PRDX2: variants seen among roughly 807,000 people sequenced by gnomAD.
The protein encoded by PRDX2 is peroxiredoxin 2, also known as peroxiredoxin-2.
A neutral mutation model predicts 19.8 loss-of-function variants in PRDX2; 10 were observed. The observed-to-expected ratio is 0.50, with a 90% confidence interval of 0.31 to 0.86. The LOEUF is 0.86. Ranked by LOEUF, PRDX2 falls within the 40% of genes least tolerant of loss-of-function variation. PRDX2 has a pLI of 0.04. For synonymous variants in PRDX2, 118 were observed against 108.2 expected, an observed-to-expected ratio of 1.09 and a Z score of -0.56; for missense variants, 226 against 260.1, an observed-to-expected ratio of 0.87 and a Z score of 0.90.
intron 5 of PRDX2, 150 bp downstream of exon 5, chr19:12,799,709 T>G: frequency 3.5e-6 from 4 of 1,128,180 alleles, no homozygotes; most frequent in Admixed American, 2.7e-5. Flanking sequence ...TCCTACCACA[T>G]TAGAAACATC....
Position 12,800,895 on chromosome 19 carries a change from C to T in PRDX2, c.257+21G>A, listed in dbSNP as rs34577345. ...GGGTGTGAGCTTAGCTGCAACCTCCCTCTTTGGCCCCTGCTCATACCAAGC... is the reference window on the plus strand; with the variant it reads ...GGGTGTGAGCTTAGCTGCAACCTCCTTCTTTGGCCCCTGCTCATACCAAGC... On this transcript the variant is annotated intron_variant, in intron 3 of 5. Transcript: ENST00000301522. The T allele has an allele frequency of 6.5e-4, 1,038 of 1,593,018 alleles. 14 individuals carry two copies. In the East Asian group the frequency reaches 0.01, roughly 15 times the overall value.
At chr19:12,797,259 A>G in intron 5 of PRDX2, 93 bp from the exon 6 acceptor site, 4 of 1,051,980 alleles carry the variant, frequency 3.8e-6, no homozygotes, top group Non-Finnish European at 5.8e-6. Flanking sequence ...AAAATGCTGG[A>G]AGCAAGTGGT....
Position 12,801,227 on chromosome 19 carries a change from G to C in PRDX2, c.35C>G (p.Ala12Gly), listed in dbSNP as rs374077252. ...ASGNARIGKP[A>G]PDFKATAVVD... ...CACCGCTGTGGCCTTGAAGTCAGGG[G>C]CTGGCTTTCCGATGCGCGCGTTACC... Residue 12 changes from alanine (A) to glycine (G), a missense_variant, in exon 2 of 6, where the codon GCC becomes GGC. Coordinates refer to ENST00000301522, the MANE Select transcript of PRDX2 (RefSeq NM_005809.6). The C allele has an allele frequency of 1.2e-6, 2 of 1,613,984 alleles. No homozygotes were observed. Among genetic ancestry groups the C allele is most frequent in the Non-Finnish European group, 8.5e-7 (1 of 1,180,006 alleles).
chr19:12,801,355 T>A, intron 1 of PRDX2, 85 bp from the exon 2 acceptor site: 1 of 1,379,224 alleles, frequency 7.3e-7, no homozygotes, highest in Non-Finnish European at 1.0e-6. Context: ...GCCCTATGAC[T>A]GAGTCAGCAC....
rs781525583 is a variant in PRDX2 at position 12,801,210 on chromosome 19, T to G, written c.52A>C (p.Thr18Pro). Residue 18 changes from threonine (T) to proline (P), a missense_variant, in exon 2 of 6, where the codon ACA becomes CCA. Transcript: ENST00000301522. ...IGKPAPDFKA[T>P]AVVDGAFKEV... ...TTGAAGGCGCCATCAACCACCGCTG[T>G]GGCCTTGAAGTCAGGGGCTGGCTTT... The G allele has an allele frequency of 1.2e-6, 2 of 1,614,088 alleles. No individual in the cohort carries two copies. Among genetic ancestry groups the G allele is most frequent in the African/African-American group, 2.7e-5 (2 of 75,062 alleles).
At position 12,800,288 on chromosome 19, in the gene PRDX2, G is replaced by A; in HGVS notation, c.269C>T (p.Pro90Leu). The A allele has an allele frequency of 2.5e-6, 4 of 1,612,730 alleles. No individual in the cohort carries two copies. Among genetic ancestry groups the A allele is most frequent in the African/African-American group, 1.3e-5 (1 of 75,048 alleles). The stretch of plus-strand genomic sequence containing the variant: ...GGGGCCCAAGCCTCCCTCTTTCCGG[G>A]GGGTGTTGATCCTGGGAGTAGGGGA... ...QFTHLAWINT[P>L]RKEGGLGPLN... Residue 90 changes from proline (P) to leucine (L), a missense_variant, in exon 4 of 6, where the codon CCC becomes CTC. Pro to Leu is a moderately conservative substitution (Grantham distance 98, BLOSUM62 -3). Transcript: ENST00000301522.
intron 4 of PRDX2, 90 bp from the exon 5 acceptor site, chr19:12,800,079 G>GGT: frequency 6.3e-7 from 1 of 1,598,164 alleles, no homozygotes; most frequent in South Asian, 1.1e-5. Context: ...GCTAGCCACA[G>GGT]GGCTGGGGGC....
At chr19:12,801,410 C>T in intron 1 of PRDX2, 140 bp from the exon 2 acceptor site, 1 of 926,658 alleles carries the variant, frequency 1.1e-6, no homozygotes, top group South Asian at 1.6e-5. Context: ...GGTACCCGGT[C>T]TACGAGGCCC....
rs1379867587 is a variant in PRDX2 at position 12,797,071 on chromosome 19, G to A, written c.*10C>T. On this transcript the variant is annotated 3_prime_UTR_variant, in exon 6 of 6. Transcript: ENST00000301522. Reference sequence around the variant, plus strand: ...AGGCAGGGGCACAAGCTCACTATCCGTTAGCCAGCCTAATTGTGTTTGGAG... The same window carrying A: ...AGGCAGGGGCACAAGCTCACTATCCATTAGCCAGCCTAATTGTGTTTGGAG... The A allele has an allele frequency of 3.1e-6, 5 of 1,613,612 alleles. No homozygotes were observed. The highest frequency in any genetic ancestry group is 1.1e-5 in the South Asian group (1 of 91,024).
At chr19:12,800,582 C>G (rs1018094173) in intron 3 of PRDX2, 2 of 985,086 alleles carry the variant, frequency 2.0e-6, no homozygotes, top group Admixed American at 6.0e-5. Context: ...CCCCATCCTC[C>G]TCTAGCTGTG....
In PRDX2 at chr19:12,796,972, G is replaced by T; in HGVS notation, c.*109C>A. Reference sequence around the variant, plus strand: ...GTCCCATACTGTGGAGTTTGGAGGGGCAGGTCTGGCCTTTCCTGGGTCAGC... The same window carrying T: ...GTCCCATACTGTGGAGTTTGGAGGGTCAGGTCTGGCCTTTCCTGGGTCAGC... On this transcript the variant is annotated 3_prime_UTR_variant, in exon 6 of 6. Coordinates refer to ENST00000301522, the MANE Select transcript of PRDX2 (RefSeq NM_005809.6). 9.4e-7 allele frequency: 1 copy of T among 1,061,322 alleles called. No homozygotes were observed. Among genetic ancestry groups the T allele is most frequent in the Non-Finnish European group, 1.4e-6 (1 of 713,232 alleles). 65.7% of individuals were successfully genotyped at this position (1,061,322 alleles called of 1,614,324 possible).
Position 12,796,840 on chromosome 19 carries a change from T to G in PRDX2, c.*241A>C, listed in dbSNP as rs1474486562. 3.2e-5 allele frequency: 16 copies of G among 495,208 alleles called. No individual in the cohort carries two copies. The highest frequency in any genetic ancestry group is 5.7e-5 in the African/African-American group (3 of 52,378). 30.7% of individuals were successfully genotyped at this position (495,208 alleles called of 1,614,324 possible). ...CAGACTCACACCTTTCCCTAATACT[T>G]TATTGGTTACCTCTAGGCCTGTGTG... is the stretch of plus-strand genomic sequence containing the variant. On this transcript the variant is annotated 3_prime_UTR_variant, in exon 6 of 6. Transcript: ENST00000301522.
At chr19:12,799,675 G>T in intron 5 of PRDX2, 184 bp downstream of exon 5, 1 of 757,130 alleles carries the variant, frequency 1.3e-6, no homozygotes, top group Non-Finnish European at 2.0e-6. Context: ...GTCCACCTTG[G>T]TTGAATGTCA....
At chr19:12,797,197 G>C in intron 5 of PRDX2, 31 bp from the exon 6 acceptor site, 1 of 1,594,716 alleles carries the variant, frequency 6.3e-7, no homozygotes, top group East Asian at 2.2e-5. Flanking sequence ...GCACATGAAG[G>C]CTACAGCCCC....
intron 3 of PRDX2, chr19:12,800,600 G>C: frequency 4.5e-6 from 5 of 1,106,366 alleles, no homozygotes; most frequent in South Asian, 1.7e-5. Context: ...GTGTCATGGG[G>C]TACAGCCCTT....
chr19:12,799,018 C>T (rs1360772726), intron 5 of PRDX2, among the ~76,000 whole-genome samples: 11 of 151,800 alleles, frequency 7.2e-5, no homozygotes, highest in African/African-American at 2.7e-4. Context: ...CCTGCCTCAG[C>T]CTCCCAAGTA....
chr19:12,799,774 C>T, intron 5 of PRDX2, 85 bp downstream of exon 5: 1 of 1,534,874 alleles, frequency 6.5e-7, no homozygotes, highest in Non-Finnish European at 8.8e-7. Context: ...CCCATCTGGA[C>T]AGGTAAGAGG....
At chr19:12,798,928 G>A (rs188956951) in intron 5 of PRDX2, among the ~76,000 whole-genome samples, 80 of 151,620 alleles carry the variant, frequency 5.3e-4, no homozygotes, top group Non-Finnish European at 4.1e-4. Flanking sequence ...TTGAGATGGA[G>A]TCTCACACTG....
intron 1 of PRDX2, 66 bp from the exon 2 acceptor site, chr19:12,801,336 G>T: frequency 6.7e-7 from 1 of 1,484,302 alleles, no homozygotes; most frequent in Non-Finnish European, 9.2e-7. Flanking sequence ...AGGTCGCGCT[G>T]CGTGCTGGGC....
Sources: allele counts gnomAD v4.1 joint callset (sites outside exome capture counted in the v4.1 genomes callset), GRCh38; gene constraint gnomAD v4.1.1; transcripts MANE v1.5; gene names NCBI Gene and HGNC (gene_info 2026-07-23, HGNC 2026-07-21).